Variants in PLEKHO2 observed in about 807,000 individuals in gnomAD.
The protein encoded by PLEKHO2 is pleckstrin homology domain containing O2.
In PLEKHO2, 20 loss-of-function variants were observed where a neutral mutation model predicts 32.7. The observed-to-expected ratio is 0.61, with a 90% CI of 0.43 to 0.89. PLEKHO2 has a LOEUF of 0.89. Ranked by LOEUF, PLEKHO2 falls within the 40% of genes least tolerant of loss-of-function variation. PLEKHO2 has a pLI of 0.00. For missense variants in PLEKHO2, 568 were observed against 621.2 expected (o/e 0.91, Z 0.91); for synonymous variants, 247 against 246.3 (o/e 1.00, Z -0.03).
chr15:64,843,344 T>A (rs1241531844), intron 1 of PLEKHO2, among the ~76,000 whole-genome samples: 1 of 152,218 alleles, frequency 6.6e-6, no homozygotes, highest in African/African-American at 2.4e-5. Flanking sequence ...TGTGATTTGC[T>A]GCGGTTTCTT....
In PLEKHO2 at chr15:64,866,075, C is replaced by A; in HGVS notation, c.*187C>A. 1 of 769,476 alleles carries A rather than the reference C, an allele frequency of 1.3e-6. No homozygotes were observed. The highest frequency in any genetic ancestry group is 2.0e-6 in the Non-Finnish European group (1 of 492,654). The allele number at this position is 769,476 out of a possible 1,614,324, so 47.7% of individuals were successfully genotyped here. On this transcript the variant is annotated 3_prime_UTR_variant, in exon 6 of 6. Coordinates refer to ENST00000323544, the MANE Select transcript of PLEKHO2 (RefSeq NM_025201.5). ...TCCTACTCTGCTCTGGCCAGTGGTG[C>A]CAGGTGCCACCCAGGGCTACTGCCT...
intron 1 of PLEKHO2, among the ~76,000 whole-genome samples, chr15:64,842,954 C>T (rs1195585599): frequency 2.0e-5 from 3 of 152,188 alleles, no homozygotes; most frequent in Non-Finnish European, 2.9e-5. Context: ...GTTTCTTATC[C>T]CCTGAGGGGG....
intron 1 of PLEKHO2, among the ~76,000 whole-genome samples, chr15:64,842,278 G>A (rs1037574673): frequency 1.3e-5 from 2 of 152,186 alleles, no homozygotes; most frequent in Non-Finnish European, 2.9e-5. Context: ...GTTCCCATTG[G>A]ATTGACCAGG....
At chr15:64,842,590 C>T (rs1333436150) in intron 1 of PLEKHO2, among the ~76,000 whole-genome samples, 1 of 151,528 alleles carries the variant, frequency 6.6e-6, no homozygotes, top group Non-Finnish European at 1.5e-5. Flanking sequence ...CTTTTTTCTC[C>T]CTTGTATAAG....
At chr15:64,843,159 G>T (rs1015022426) in intron 1 of PLEKHO2, among the ~76,000 whole-genome samples, 1 of 152,236 alleles carries the variant, frequency 6.6e-6, no homozygotes, top group East Asian at 1.9e-4. Context: ...CTAGTGGTCC[G>T]TCAGGGCTCC....
chr15:64,866,433 G>T lies in PLEKHO2; in HGVS notation c.*545G>T, dbSNP rs546062066. 6.6e-6 allele frequency: 3 copies of T among 455,846 alleles called. No homozygotes were observed. The highest frequency in any genetic ancestry group is 2.4e-5 in the Admixed American group (1 of 42,534). 28.2% of individuals were successfully genotyped at this position (455,846 alleles called of 1,614,324 possible). ...AGGCTCTAGGTTCATCCCTCAGTTG[G>T]GGGGAACGTAGGACCCAGCTGGAGC... On this transcript the variant is annotated 3_prime_UTR_variant, in exon 6 of 6. Coordinates refer to ENST00000323544, the MANE Select transcript of PLEKHO2 (RefSeq NM_025201.5).
At chr15:64,852,762 A>G (rs910242220) in intron 2 of PLEKHO2, among the ~76,000 whole-genome samples, 1 of 151,968 alleles carries the variant, frequency 6.6e-6, no homozygotes, top group African/African-American at 2.4e-5. Context: ...CTGGGACCAC[A>G]GGCTCATGCC....
chr15:64,863,312 C>G (rs2084656141), intron 5 of PLEKHO2, among the ~76,000 whole-genome samples: 1 of 152,036 alleles, frequency 6.6e-6, no homozygotes, highest in East Asian at 1.9e-4. Context: ...AGGGAGGGAC[C>G]CAAGGTCGTG....
intron 1 of PLEKHO2, among the ~76,000 whole-genome samples, chr15:64,845,147 T>A (rs1286832962): frequency 6.6e-6 from 1 of 151,856 alleles, no homozygotes; most frequent in Non-Finnish European, 1.5e-5. Context: ...CTAGTCTCTG[T>A]CTCTCGTAAC....
In PLEKHO2 at chr15:64,865,724, C is replaced by G. The variant is rs776982687; in HGVS notation, c.1309C>G (p.Pro437Ala). 6.2e-7 allele frequency: 1 copy of G among 1,614,218 alleles called. No homozygotes were observed. Among genetic ancestry groups the G allele is most frequent in the East Asian group, 2.2e-5 (1 of 44,878 alleles). The change falls in exon 6 of 6, where the codon CCT (proline) becomes GCT (alanine). Residue 437 changes from proline (P) to alanine (A), a missense_variant. Transcript: ENST00000323544. ...CAAGGTGCTGGGCAGTGAGCCGGCCCCTGTTAGTGCCGAAACATTGCTCAG... is the reference window on the plus strand; with the variant it reads ...CAAGGTGCTGGGCAGTGAGCCGGCCGCTGTTAGTGCCGAAACATTGCTCAG... ...LNKVLGSEPA[P>A]VSAETLLSQA...
At chr15:64,847,267 A>G (rs1015860516) in intron 1 of PLEKHO2, among the ~76,000 whole-genome samples, 26 of 152,236 alleles carry the variant, frequency 1.7e-4, no homozygotes, top group South Asian at 1.2e-3. Flanking sequence ...TTGTTCTTCC[A>G]AAGGCAGCTG....
In PLEKHO2 at chr15:64,865,523, A is replaced by G; in HGVS notation, c.1108A>G (p.Thr370Ala). The change falls in exon 6 of 6, where the codon ACA (threonine) becomes GCA (alanine). Residue 370 changes from threonine (T) to alanine (A), a missense_variant. By Grantham distance (58) the Thr-to-Ala change is moderately conservative (BLOSUM62 0). Coordinates refer to ENST00000323544, the MANE Select transcript of PLEKHO2 (RefSeq NM_025201.5). ...GTPGTPPKDA[T>A]TSTALPPWDL... ...CCCAGGAACTCCTCCAAAGGATGCA[A>G]CAACATCCACAGCACTGCCCCCCTG... is the stretch of plus-strand genomic sequence containing the variant. 1 of 1,614,104 alleles carries G rather than the reference A, an allele frequency of 6.2e-7. No individual in the cohort carries two copies. The highest frequency in any genetic ancestry group is 1.1e-5 in the South Asian group (1 of 91,090).
At position 64,867,515 on chromosome 15, in the gene PLEKHO2, C is replaced by T. The variant is rs1300248430; in HGVS notation, c.*1627C>T. On this transcript the variant is annotated 3_prime_UTR_variant, in exon 6 of 6. Coordinates refer to ENST00000323544, the MANE Select transcript of PLEKHO2 (RefSeq NM_025201.5). ...TGCCCCAGGACAAGAGCAAGAAGGA[C>T]ATCAGTTGCCCAGTCATGTGATCCC... The T allele has an allele frequency of 6.6e-6, 1 of 152,234 alleles. No individual in the cohort carries two copies. The highest frequency in any genetic ancestry group is 2.4e-5 in the African/African-American group (1 of 41,448). 9.4% of individuals were successfully genotyped at this position (152,234 alleles called of 1,614,324 possible).
At chr15:64,860,079 C>A in intron 4 of PLEKHO2, 81 bp downstream of exon 4, 1 of 1,264,450 alleles carries the variant, frequency 7.9e-7, no homozygotes, top group Non-Finnish European at 1.1e-6. Context: ...CCTGCCCCTC[C>A]TTACCCCAGA....
Position 64,865,270 on chromosome 15 carries a change from A to G in PLEKHO2, c.855A>G (p.Ala285=), listed in dbSNP as rs1409671056. The change falls in exon 6 of 6, where the codon GCA becomes GCG. Residue 285 remains alanine, a synonymous_variant. Coordinates refer to ENST00000323544, the MANE Select transcript of PLEKHO2 (RefSeq NM_025201.5). ...CCAGCCCCCAGGAGGCCCCTGCTGC[A>G]GAGAGTGCAGAACCGTCCCAGGCAC... is the stretch of plus-strand genomic sequence containing the variant. ...ENPSPQEAPA[A]ESAEPSQAPC... 3.1e-6 allele frequency: 5 copies of G among 1,613,842 alleles called. No individual in the cohort carries two copies. The South Asian group carries it at 3.3e-5, about 11-fold the overall frequency.
chr15:64,864,305 A>T (rs188711373), intron 5 of PLEKHO2, among the ~76,000 whole-genome samples: 8 of 152,178 alleles, frequency 5.3e-5, no homozygotes, highest in African/African-American at 1.9e-4. Context: ...TGACATGAGG[A>T]GAGTGGGCAC....
At position 64,848,671 on chromosome 15, in the gene PLEKHO2, G is replaced by A. The variant is rs1185308363; in HGVS notation, c.91G>A (p.Gly31Ser). The A allele has an allele frequency of 6.2e-7, 1 of 1,614,050 alleles. No homozygotes were observed. The highest frequency in any genetic ancestry group is 1.3e-5 in the African/African-American group (1 of 74,904). The change falls in exon 2 of 6, where the codon GGC (glycine) becomes AGC (serine). Residue 31 changes from glycine to serine, a missense_variant. Gly to Ser is a moderately conservative substitution (Grantham distance 56). Coordinates refer to ENST00000323544, the MANE Select transcript of PLEKHO2 (RefSeq NM_025201.5). ...KAGWIKKSSG[G>S]LLGFWKDRYL... The stretch of plus-strand genomic sequence containing the variant: ...TGGCTGGATCAAGAAGAGCAGTGGG[G>A]GCCTCCTGGGTTTCTGGAAAGACCG...
At chr15:64,842,975 AG>A (rs1370977415) in intron 1 of PLEKHO2, among the ~76,000 whole-genome samples, 1 of 152,218 alleles carries the variant, frequency 6.6e-6, no homozygotes, top group East Asian at 1.9e-4. Flanking sequence ...TCCCAGCTTC[AG>A]CCCCTCTCAG....
At chr15:64,854,840 C>A in intron 2 of PLEKHO2, 81 bp from the exon 3 acceptor site, 1 of 1,086,282 alleles carries the variant, frequency 9.2e-7, no homozygotes, top group Non-Finnish European at 1.4e-6. Context: ...TGAGTGGGAT[C>A]AGGGTCTGGG....
Sources: gnomAD v4.1 joint callset for allele counts (sites outside exome capture counted in the v4.1 genomes callset) on GRCh38, gnomAD v4.1.1 for gene constraint, MANE v1.5 for transcripts, NCBI Gene and HGNC (gene_info 2026-07-23, HGNC 2026-07-21) for gene names.